EYS: variants seen among roughly 807,000 people sequenced by gnomAD.
EYS encodes the protein EGF-like photoreceptor maintenance factor, also known as protein eyes shut homolog.
A neutral mutation model predicts 282.1 loss-of-function variants in EYS; 250 were observed. The observed-to-expected ratio is 0.89, with a 90% CI of 0.80 to 0.98. EYS has a LOEUF of 0.98. Ranked by LOEUF, EYS falls within the 50% of genes least tolerant of loss-of-function variation. EYS has a pLI of 0.00. For synonymous variants in EYS, 1,355 were observed against 1,282.9 expected, an observed-to-expected ratio of 1.06 and a Z score of -1.20; for missense variants, 4,016 against 3,709.0, an observed-to-expected ratio of 1.08 and a Z score of -2.15.
At chr6:64,705,941 T>A (rs1460763201) in intron 22 of EYS, among the ~76,000 whole-genome samples, 1 of 151,168 alleles carries the variant, frequency 6.6e-6, no homozygotes, top group Non-Finnish European at 1.5e-5. Context: ...CATATGTAAG[T>A]AACCTGCACA....
intron 29 of EYS, among the ~76,000 whole-genome samples, chr6:64,308,986 AT>A (rs61582704): frequency 0.038 from 5,784 of 152,060 alleles, 353 homozygotes; most frequent in African/African-American, 0.13. Flanking sequence ...TTTAATTCTT[AT>A]TTTTACTGCA....
chr6:65,618,529 T>C (rs1186985428), intron 2 of EYS, among the ~76,000 whole-genome samples: 1 of 152,236 alleles, frequency 6.6e-6, no homozygotes, highest in Non-Finnish European at 1.5e-5. Context: ...TGGTAGTTTC[T>C]TTTGCTGTGC....
intron 33 of EYS, among the ~76,000 whole-genome samples, chr6:64,027,556 G>A (rs190449374): frequency 2.6e-5 from 4 of 152,298 alleles, no homozygotes; most frequent in East Asian, 3.9e-4. Context: ...GAGAAAGTCC[G>A]CAGCCTTAGT....
intron 7 of EYS, among the ~76,000 whole-genome samples, chr6:65,400,113 T>A (rs1423777418): frequency 2.6e-5 from 4 of 151,848 alleles, no homozygotes; most frequent in Non-Finnish European, 2.9e-5. Flanking sequence ...AACAAGCAAG[T>A]AGGGGGTAAA....
chr6:65,426,057 C>T (rs1767649113), intron 5 of EYS, among the ~76,000 whole-genome samples: 1 of 152,040 alleles, frequency 6.6e-6, no homozygotes, highest in Non-Finnish European at 1.5e-5. Context: ...CCCACTGCAG[C>T]CTCAAACTCC....
intron 19 of EYS, among the ~76,000 whole-genome samples, chr6:64,848,959 A>AT (rs1765800560): frequency 6.6e-6 from 1 of 152,074 alleles, no homozygotes; most frequent in Non-Finnish European, 1.5e-5. Context: ...ATACCCTAAT[A>AT]TTTTTATGCT....
intron 12 of EYS, among the ~76,000 whole-genome samples, chr6:65,087,907 G>A (rs1446104511): frequency 6.6e-6 from 1 of 152,112 alleles, no homozygotes; most frequent in African/African-American, 2.4e-5. Context: ...CCAGGTGGAG[G>A]TAACTGAATA....
chr6:63,852,484 T>C (rs1209154184), intron 36 of EYS, among the ~76,000 whole-genome samples: 2 of 152,186 alleles, frequency 1.3e-5, no homozygotes, highest in African/African-American at 4.8e-5. Flanking sequence ...ATTGAGACCA[T>C]AATTAATAGC....
At chr6:64,298,193 ACT>A (rs1471018787) in intron 30 of EYS, among the ~76,000 whole-genome samples, 1 of 152,132 alleles carries the variant, frequency 6.6e-6, no homozygotes, top group African/African-American at 2.4e-5. Context: ...CTTATAATGC[ACT>A]TTTTGTTTTA....
In EYS at chr6:63,721,124, A is replaced by G. The variant is rs1468122726; in HGVS notation, c.8907T>C (p.Asp2969=). ...GGAGGTTTCTCATTCTATAATTTGG[A>G]TCAATGTATTTAATGTAAGAATTAC... ...FMGNSYIKYI[D]PNYRMRNLQF... is the part of the protein sequence containing the mutation. Residue 2969 remains aspartate (D), a synonymous_variant, in exon 43 of 43, where the codon GAT becomes GAC. Coordinates refer to ENST00000503581, the MANE Select transcript of EYS (RefSeq NM_001142800.2). 3 of 1,551,320 alleles carry G rather than the reference A, an allele frequency of 1.9e-6. No individual in the cohort carries two copies. The highest frequency in any genetic ancestry group is 1.7e-6 in the Non-Finnish European group (2 of 1,146,756).
intron 7 of EYS, among the ~76,000 whole-genome samples, chr6:65,386,433 T>C (rs1308825676): frequency 6.6e-6 from 1 of 151,734 alleles, no homozygotes; most frequent in African/African-American, 2.4e-5. Flanking sequence ...GGGAAAACTT[T>C]CCTACTGAGT....
chr6:63,723,679 T>G (rs1768496657), intron 42 of EYS, among the ~76,000 whole-genome samples: 1 of 152,004 alleles, frequency 6.6e-6, no homozygotes, highest in Non-Finnish European at 1.5e-5. Flanking sequence ...AAGTTTTCTT[T>G]CTGTGGCTAT....
At chr6:65,001,143 G>A (rs1771452123) in intron 13 of EYS, among the ~76,000 whole-genome samples, 1 of 119,040 alleles carries the variant, frequency 8.4e-6, no homozygotes, top group African/African-American at 2.6e-5. Context: ...GGCTTTAAGG[G>A]TTAACCAGCT....
intron 28 of EYS, among the ~76,000 whole-genome samples, chr6:64,397,425 ATTTTCTTTGTG>A (rs1381963928): frequency 1.3e-5 from 2 of 151,780 alleles, no homozygotes; most frequent in African/African-American, 4.8e-5. Context: ...TGGGCCTGAA[ATTTTCTTTGTG>A]TTTTCTTTGT....
At chr6:63,770,080 G>T (rs932661224) in intron 40 of EYS, among the ~76,000 whole-genome samples, 1 of 151,876 alleles carries the variant, frequency 6.6e-6, no homozygotes, top group African/African-American at 2.4e-5. Context: ...TGAAATATAT[G>T]ATATATATAA....
At chr6:65,512,207 T>A (rs1371565254) in intron 2 of EYS, among the ~76,000 whole-genome samples, 2 of 151,998 alleles carry the variant, frequency 1.3e-5, no homozygotes. Flanking sequence ...AAAATTACAT[T>A]GTAGGCCGGG....
chr6:65,598,266 C>A (rs35446336), intron 2 of EYS, among the ~76,000 whole-genome samples: 8,730 of 103,162 alleles, frequency 0.085, 557 homozygotes, highest in Non-Finnish European at 0.11. Flanking sequence ...AAAACAAAAA[C>A]TTTTCTCTCC....
At chr6:65,337,677 T>C (rs1264583823) in intron 10 of EYS, among the ~76,000 whole-genome samples, 1 of 151,086 alleles carries the variant, frequency 6.6e-6, no homozygotes, top group Non-Finnish European at 1.5e-5. Context: ...TAAAGCTATA[T>C]TTTCTAGCTT....
intron 12 of EYS, among the ~76,000 whole-genome samples, chr6:65,236,321 C>T (rs552355586): frequency 1.3e-5 from 2 of 152,094 alleles, no homozygotes; most frequent in South Asian, 4.1e-4. Flanking sequence ...ATATAAAACC[C>T]GTAAAATGGG....
Sources: gnomAD v4.1 joint callset for allele counts (sites outside exome capture counted in the v4.1 genomes callset) on GRCh38, gnomAD v4.1.1 for gene constraint, MANE v1.5 for transcripts, NCBI Gene and HGNC (gene_info 2026-07-23, HGNC 2026-07-21) for gene names.